The following RECK variants were observed in gnomAD, a reference collection of about 807,000 sequenced individuals.
The protein encoded by RECK is reversion inducing cysteine rich protein with kazal motifs, also known as reversion-inducing cysteine-rich protein with Kazal motifs.
A neutral mutation model predicts 115.1 loss-of-function variants in RECK; 69 were observed. The observed-to-expected ratio is 0.60, with a 90% CI of 0.49 to 0.73. The LOEUF (loss-of-function observed/expected upper bound fraction) is 0.73. Ranked by LOEUF, RECK falls within the 30% of genes least tolerant of loss-of-function variation. The pLI, the probability that RECK is intolerant of heterozygous loss-of-function variation, is 0.00. For synonymous variants in RECK, 414 were observed against 419.7 expected (o/e 0.99, Z 0.17); for missense variants, 1,047 against 1,203.7 (o/e 0.87, Z 1.93).
At chr9:36,109,077 C>T (rs1168284743) in intron 14 of RECK, among the ~76,000 whole-genome samples, 1 of 151,996 alleles carries the variant, frequency 6.6e-6, no homozygotes, top group Admixed American at 6.6e-5. Context: ...AGGTATTTAT[C>T]TCTCAATCCA....
intron 8 of RECK, among the ~76,000 whole-genome samples, chr9:36,083,854 T>TATC (rs1245664901): frequency 1.3e-5 from 2 of 152,174 alleles, no homozygotes; most frequent in African/African-American, 4.8e-5. Flanking sequence ...GATTTCAAAT[T>TATC]ATCATAAGCT....
intron 10 of RECK, among the ~76,000 whole-genome samples, chr9:36,098,663 T>C (rs1003753381): frequency 6.6e-6 from 1 of 152,168 alleles, no homozygotes; most frequent in South Asian, 2.1e-4. Context: ...TCTAGTACCC[T>C]TATTCGTAAT....
At chr9:36,085,493 A>T (rs1822915430) in intron 8 of RECK, 2 of 153,952 alleles carry the variant, frequency 1.3e-5, no homozygotes, top group Non-Finnish European at 2.9e-5. Context: ...ATGCTGAGGC[A>T]GGAGAATTGC....
At chr9:36,042,745 A>G (rs1355002481) in intron 1 of RECK, among the ~76,000 whole-genome samples, 3 of 151,778 alleles carry the variant, frequency 2.0e-5, no homozygotes, top group Non-Finnish European at 4.4e-5. Context: ...TCTTTAAGGA[A>G]TCTCCCTACT....
chr9:36,112,173 T>C (rs1824077456), intron 15 of RECK, 132 bp from the exon 16 acceptor site: 2 of 726,932 alleles, frequency 2.8e-6, no homozygotes, highest in Admixed American at 6.0e-5. Context: ...AGAAGGTTTT[T>C]CCTGACTTAA....
At chr9:36,073,039 T>C (rs1028859806) in intron 6 of RECK, among the ~76,000 whole-genome samples, 1 of 149,484 alleles carries the variant, frequency 6.7e-6, no homozygotes, top group Non-Finnish European at 1.5e-5. Context: ...GAATCTTCAT[T>C]GCTAACCTTT....
intron 2 of RECK, among the ~76,000 whole-genome samples, chr9:36,053,578 T>C (rs563996896): frequency 6.6e-6 from 1 of 152,310 alleles, no homozygotes; most frequent in Non-Finnish European, 1.5e-5. Flanking sequence ...GAAGAATAGC[T>C]TTTTAAAGCA....
Position 36,114,958 on chromosome 9 carries a change from T to TTCAC in RECK, c.2061-2025_2061-2022dup, listed in dbSNP as rs567735746. ...ACAAGAGTAGAAGGGAGGCCTATTT[T>TTCAC]TCACTGTATACCATGTTGTACTTTT... On this transcript the variant is annotated intron_variant, in intron 16 of 20. Coordinates refer to ENST00000377966, the MANE Select transcript of RECK (RefSeq NM_021111.3). Among the ~76,000 whole-genome samples, 779 of 152,274 alleles carry TTCAC rather than the reference T, an allele frequency of 5.1e-3. 6 individuals are homozygous for TTCAC. The highest frequency in any genetic ancestry group is 7.7e-3 in the Non-Finnish European group (523 of 68,022).
At chr9:36,056,590 T>G (rs1821536133) in intron 2 of RECK, among the ~76,000 whole-genome samples, 1 of 152,230 alleles carries the variant, frequency 6.6e-6, no homozygotes, top group African/African-American at 2.4e-5. Context: ...CAATGACACT[T>G]TCTACAATGA....
chr9:36,092,681 C>T (rs998537593), intron 10 of RECK, among the ~76,000 whole-genome samples: 2 of 151,754 alleles, frequency 1.3e-5, no homozygotes, highest in Non-Finnish European at 2.9e-5. Flanking sequence ...CGTGAGCCAC[C>T]ACGAGTGGCC....
chr9:36,042,067 CT>C (rs35001556), intron 1 of RECK, among the ~76,000 whole-genome samples: 161 of 148,094 alleles, frequency 1.1e-3, no homozygotes, highest in East Asian at 8.5e-3. Flanking sequence ...GATATTACTA[CT>C]TTTTTTTTTA....
intron 6 of RECK, among the ~76,000 whole-genome samples, chr9:36,076,050 A>G (rs1822434448): frequency 6.6e-6 from 1 of 152,084 alleles, no homozygotes; most frequent in Admixed American, 6.6e-5. Context: ...GGAATGAACC[A>G]TTTTTTTCAA....
At chr9:36,062,017 AACTT>A (rs1161296846) in intron 4 of RECK, among the ~76,000 whole-genome samples, 1 of 152,106 alleles carries the variant, frequency 6.6e-6, no homozygotes, top group Non-Finnish European at 1.5e-5. Flanking sequence ...ATAATAATCC[AACTT>A]ACTTCAGATA....
intron 7 of RECK, among the ~76,000 whole-genome samples, chr9:36,082,888 G>A (rs1822784231): frequency 6.6e-6 from 1 of 152,100 alleles, no homozygotes; most frequent in Non-Finnish European, 1.5e-5. Flanking sequence ...GGGATTTGGG[G>A]TTTTGTTTTA....
intron 1 of RECK, among the ~76,000 whole-genome samples, chr9:36,043,191 A>AT (rs761649232): frequency 0.049 from 2,667 of 53,904 alleles, 215 homozygotes; most frequent in African/African-American, 0.13. Context: ...CGCCTGGCTA[A>AT]TTTTTTTTTT....
intron 16 of RECK, among the ~76,000 whole-genome samples, chr9:36,114,897 T>C (rs1382207405): frequency 1.3e-5 from 2 of 151,984 alleles, no homozygotes; most frequent in African/African-American, 2.4e-5. Flanking sequence ...TTGGTAATAG[T>C]GGTGCCTCTA....
chr9:36,058,805 C>T, intron 2 of RECK, 22 bp from the exon 3 acceptor site: 4 of 1,235,170 alleles, frequency 3.2e-6, no homozygotes, highest in East Asian at 2.7e-5. Flanking sequence ...GCCACAAAAA[C>T]TTTTTTTTTT....
chr9:36,051,016 A>G (rs1821276702), intron 1 of RECK, among the ~76,000 whole-genome samples: 1 of 152,068 alleles, frequency 6.6e-6, no homozygotes, highest in Admixed American at 6.6e-5. Flanking sequence ...CCATATATAT[A>G]TATGTATGTG....
intron 20 of RECK, among the ~76,000 whole-genome samples, chr9:36,121,928 AGGG>A (rs1337004913): frequency 6.6e-6 from 1 of 152,186 alleles, no homozygotes; most frequent in Non-Finnish European, 1.5e-5. Flanking sequence ...AGGGCAGGGG[AGGG>A]ATTAAGATAC....
Sources: allele counts gnomAD v4.1 joint callset (sites outside exome capture counted in the v4.1 genomes callset), GRCh38; gene constraint gnomAD v4.1.1; transcripts MANE v1.5; gene names NCBI Gene and HGNC (gene_info 2026-07-23, HGNC 2026-07-21).